Variants in CDH13 observed in about 807,000 individuals in gnomAD.
CDH13 encodes the protein cadherin 13.
A neutral mutation model predicts 63.8 loss-of-function variants in CDH13; 24 were observed. The observed-to-expected ratio is 0.38, with a 90% CI of 0.27 to 0.53. The LOEUF is 0.53. Among genes scored for constraint, CDH13 ranks in the 20% least tolerant of loss-of-function variants. The probability of loss-of-function intolerance (pLI) is 0.85; values close to 1 mark genes in which losing one functional copy is unlikely to be tolerated. For missense variants in CDH13, 1,049 were observed against 903.1 expected (o/e 1.16, Z -2.07); for synonymous variants, 503 against 355.3 (o/e 1.42, Z -4.67).
At chr16:83,172,723 A>C (rs2037973689) in intron 4 of CDH13, among the ~76,000 whole-genome samples, 1 of 151,988 alleles carries the variant, frequency 6.6e-6, no homozygotes, top group Non-Finnish European at 1.5e-5. Context: ...AAGCCACCCA[A>C]TCTACAGTAC....
chr16:83,583,872 G>A (rs796962667), intron 7 of CDH13, among the ~76,000 whole-genome samples: 7 of 152,226 alleles, frequency 4.6e-5, no homozygotes, highest in African/African-American at 1.7e-4. Flanking sequence ...AGCTGAGATC[G>A]CACCACAGCA....
intron 3 of CDH13, among the ~76,000 whole-genome samples, chr16:83,114,484 C>T (rs946681242): frequency 3.3e-5 from 5 of 152,214 alleles, no homozygotes; most frequent in Non-Finnish European, 7.3e-5. Flanking sequence ...CCATCATCTT[C>T]TCTGACCCTT....
intron 6 of CDH13, among the ~76,000 whole-genome samples, chr16:83,428,370 AT>A (rs111285871): frequency 0.31 from 46,755 of 148,922 alleles, 7,419 homozygotes; most frequent in East Asian, 0.5. Context: ...CCATGGTTAG[AT>A]TTTTTTTTTT....
chr16:82,901,472 G>T (rs2041467230), intron 2 of CDH13, among the ~76,000 whole-genome samples: 1 of 151,916 alleles, frequency 6.6e-6, no homozygotes, highest in Admixed American at 6.6e-5. Flanking sequence ...AGATAGCCGT[G>T]TAAAGCTAAA....
At chr16:83,151,697 G>A (rs192502379) in intron 4 of CDH13, among the ~76,000 whole-genome samples, 1 of 152,170 alleles carries the variant, frequency 6.6e-6, no homozygotes, top group Non-Finnish European at 1.5e-5. Flanking sequence ...AGGCACAGTG[G>A]TTCACGCCTG....
At position 83,031,947 on chromosome 16, in the gene CDH13, A is replaced by G; in HGVS notation, c.158-63A>G. The G allele has an allele frequency of 3.9e-6, 5 of 1,271,316 alleles. No individual in the cohort carries two copies. In the East Asian group the frequency reaches 1.3e-4, roughly 32 times the overall value. 78.8% of individuals were successfully genotyped at this position (1,271,316 alleles called of 1,614,324 possible). Reference sequence around the variant, plus strand: ...GTAATTCACACTTAATAGGTCAGAGATATCTCAGAGATAAGCTGCCCAACC... The same window carrying G: ...GTAATTCACACTTAATAGGTCAGAGGTATCTCAGAGATAAGCTGCCCAACC... On this transcript the variant is annotated intron_variant, in intron 2 of 13. Transcript: ENST00000567109.
At chr16:83,500,098 C>T (rs1042225463) in intron 7 of CDH13, among the ~76,000 whole-genome samples, 7 of 151,666 alleles carry the variant, frequency 4.6e-5, no homozygotes, top group African/African-American at 7.3e-5. Flanking sequence ...CCACTGCACC[C>T]GGCCCAATTC....
intron 2 of CDH13, among the ~76,000 whole-genome samples, chr16:82,951,682 G>A (rs1824557522): frequency 6.6e-6 from 1 of 152,226 alleles, no homozygotes; most frequent in African/African-American, 2.4e-5. Flanking sequence ...AGTGCAGGGA[G>A]GCCCAGGTAA....
At chr16:83,739,721 G>A (rs1311459017) in intron 10 of CDH13, among the ~76,000 whole-genome samples, 3 of 152,150 alleles carry the variant, frequency 2.0e-5, no homozygotes, top group Non-Finnish European at 2.9e-5. Flanking sequence ...GGATGAATGA[G>A]CACTTTAGAA....
chr16:83,084,141 C>T (rs769142854), intron 3 of CDH13, among the ~76,000 whole-genome samples: 1 of 152,118 alleles, frequency 6.6e-6, no homozygotes, highest in Non-Finnish European at 1.5e-5. Context: ...CTCTTCACAC[C>T]CAATAAATTG....
intron 1 of CDH13, among the ~76,000 whole-genome samples, chr16:82,767,137 A>C (rs2035086470): frequency 1.3e-5 from 2 of 152,196 alleles, no homozygotes; most frequent in African/African-American, 4.8e-5. Flanking sequence ...ATTTGCTTAC[A>C]TATTGTTTCT....
chr16:83,602,832 A>G (rs755812605), intron 8 of CDH13, among the ~76,000 whole-genome samples: 15 of 152,240 alleles, frequency 9.9e-5, no homozygotes, highest in Non-Finnish European at 1.9e-4. Context: ...GTTAAAGTCC[A>G]TAAGAAAATA....
intron 7 of CDH13, among the ~76,000 whole-genome samples, chr16:83,576,406 G>A (rs374764823): frequency 5.9e-5 from 9 of 152,226 alleles, no homozygotes; most frequent in South Asian, 2.1e-4. Context: ...TTATCCATTC[G>A]TCTGTTTATG....
At chr16:83,166,210 A>G (rs981401402) in intron 4 of CDH13, among the ~76,000 whole-genome samples, 3 of 152,142 alleles carry the variant, frequency 2.0e-5, no homozygotes, top group African/African-American at 7.2e-5. Flanking sequence ...TCAATTCTTG[A>G]TACTGTAAGT....
At chr16:82,751,881 A>G (rs1243441692) in intron 1 of CDH13, among the ~76,000 whole-genome samples, 2 of 152,136 alleles carry the variant, frequency 1.3e-5, no homozygotes, top group African/African-American at 2.4e-5. Context: ...GAGTATAAGG[A>G]TGTCTGAATG....
At chr16:83,042,174 C>T (rs894271586) in intron 3 of CDH13, among the ~76,000 whole-genome samples, 1 of 152,314 alleles carries the variant, frequency 6.6e-6, no homozygotes, top group South Asian at 2.1e-4. Context: ...CCCCCACCCA[C>T]CTGTCTGAGT....
In CDH13 at chr16:83,495,723, G is replaced by A. The variant is rs79191980; in HGVS notation, c.960+9068G>A. 8.7e-3 allele frequency among the ~76,000 whole-genome samples: 1,319 copies of A among 152,312 alleles called. 6 individuals are homozygous for A. The highest frequency in any genetic ancestry group is 0.015 in the Non-Finnish European group (1,004 of 68,030). On this transcript the variant is annotated intron_variant, in intron 7 of 13. Coordinates refer to ENST00000567109, the MANE Select transcript of CDH13 (RefSeq NM_001257.5). ...CAGGCTGGAAAGTAAGCCACATTATGTAGGGTTAAATGAAAGCCCTCTTTT... is the reference window on the plus strand; with the variant it reads ...CAGGCTGGAAAGTAAGCCACATTATATAGGGTTAAATGAAAGCCCTCTTTT...
chr16:82,859,661 C>G (rs769950516), intron 2 of CDH13: 2 of 151,566 alleles, frequency 1.3e-5, no homozygotes, highest in Non-Finnish European at 2.9e-5. Flanking sequence ...CTTATGGTCT[C>G]AGGTTTACGT....
At chr16:83,366,443 C>G (rs115694747) in intron 6 of CDH13, among the ~76,000 whole-genome samples, 58 of 152,312 alleles carry the variant, frequency 3.8e-4, no homozygotes, top group African/African-American at 1.4e-3. Flanking sequence ...CCCCAGCCCA[C>G]TCAGCTTTCA....
Sources: gnomAD v4.1 joint callset for allele counts (sites outside exome capture counted in the v4.1 genomes callset) on GRCh38, gnomAD v4.1.1 for gene constraint, MANE v1.5 for transcripts, NCBI Gene and HGNC (gene_info 2026-07-23, HGNC 2026-07-21) for gene names.